Variants in GCH1 observed in about 807,000 individuals in gnomAD.
GCH1 encodes GTP cyclohydrolase I.
In GCH1, 5 loss-of-function variants were observed where a neutral mutation model predicts 25.9. That is an observed-to-expected ratio of 0.19 (90% confidence interval 0.10 to 0.41). GCH1 has a LOEUF of 0.41. GCH1 is among the 10% of genes least tolerant of loss of function. GCH1 has a pLI of 1.00. For missense variants in GCH1, 261 were observed against 336.5 expected (o/e 0.78, Z 1.75); for synonymous variants, 159 against 129.6 (o/e 1.23, Z -1.54).
intron 1 of GCH1, among the ~76,000 whole-genome samples, chr14:54,873,053 C>T (rs546702259): frequency 2.0e-5 from 3 of 151,972 alleles, no homozygotes; most frequent in African/African-American, 7.3e-5. Flanking sequence ...AATATACATT[C>T]TTCTCAGCAC....
At chr14:54,877,988 G>A (rs997566882) in intron 1 of GCH1, 6 of 152,436 alleles carry the variant, frequency 3.9e-5, no homozygotes, top group African/African-American at 1.4e-4. Flanking sequence ...GAGTGCCCCT[G>A]GTTTGAACTA....
At chr14:54,872,385 G>A (rs975395640) in intron 1 of GCH1, among the ~76,000 whole-genome samples, 28 of 152,100 alleles carry the variant, frequency 1.8e-4, no homozygotes, top group African/African-American at 6.8e-4. Flanking sequence ...ACCAGCCACT[G>A]AAAAAACATG....
chr14:54,855,714 T>C (rs1364866772), intron 3 of GCH1, among the ~76,000 whole-genome samples: 2 of 151,536 alleles, frequency 1.3e-5, no homozygotes. Context: ...CTGGGGAGGC[T>C]GAGGCAGGAG....
At chr14:54,891,763 C>G (rs748066573) in intron 1 of GCH1, among the ~76,000 whole-genome samples, 3 of 152,128 alleles carry the variant, frequency 2.0e-5, no homozygotes, top group African/African-American at 4.8e-5. Flanking sequence ...GATGAAATCT[C>G]CAGCCCTTCT....
At chr14:54,870,297 A>G (rs2040051241) in intron 1 of GCH1, among the ~76,000 whole-genome samples, 1 of 148,448 alleles carries the variant, frequency 6.7e-6, no homozygotes, top group Non-Finnish European at 1.5e-5. Flanking sequence ...CAAGAGTTCA[A>G]GACCAGACTG....
At chr14:54,849,405 A>G (rs1195756658) in intron 3 of GCH1, among the ~76,000 whole-genome samples, 2 of 152,152 alleles carry the variant, frequency 1.3e-5, no homozygotes, top group Non-Finnish European at 2.9e-5. Context: ...ATTTGCTGGG[A>G]ACCGAATTCT....
At chr14:54,883,406 G>A (rs1403792377) in intron 1 of GCH1, among the ~76,000 whole-genome samples, 1 of 143,740 alleles carries the variant, frequency 7.0e-6, no homozygotes, top group East Asian at 2.0e-4. Flanking sequence ...AAAGCCCGGT[G>A]CGGTGGCTCA....
At chr14:54,877,033 G>T (rs1009794870) in intron 1 of GCH1, among the ~76,000 whole-genome samples, 2 of 152,124 alleles carry the variant, frequency 1.3e-5, no homozygotes, top group Admixed American at 1.3e-4. Context: ...CTGATATGTT[G>T]CCTATGCCCC....
rs550704720 is a variant in GCH1 at position 54,897,018 on chromosome 14, T to G, written c.343+5303A>C. 1.2e-3 allele frequency among the ~76,000 whole-genome samples: 163 copies of G among 139,798 alleles called. 10 individuals carry two copies. Among genetic ancestry groups the G allele is most frequent in the African/African-American group, 4.0e-3 (146 of 36,180 alleles). 91.7% of individuals were successfully genotyped at this position (139,798 alleles called of 152,430 possible). ...ATTCTACTCCACTTTTTGTTTTTTTTTTTTTTTTTTGAGATGGAGTCTTGC... is the reference window on the plus strand; with the variant it reads ...ATTCTACTCCACTTTTTGTTTTTTTGTTTTTTTTTTGAGATGGAGTCTTGC... On this transcript the variant is annotated intron_variant, in intron 1 of 5. Coordinates refer to ENST00000491895, the MANE Select transcript of GCH1 (RefSeq NM_000161.3).
intron 1 of GCH1, among the ~76,000 whole-genome samples, chr14:54,898,228 AAAT>A (rs1213476379): frequency 6.6e-6 from 1 of 152,226 alleles, no homozygotes; most frequent in Non-Finnish European, 1.5e-5. Flanking sequence ...TTTAAAATAC[AAAT>A]AATAATAATT....
At position 54,845,814 on chromosome 14, in the gene GCH1, T is replaced by A. The variant is rs985876127; in HGVS notation, c.580A>T (p.Thr194Ser). 1 of 1,611,190 alleles carries A rather than the reference T, an allele frequency of 6.2e-7. No homozygotes were observed. The highest frequency in any genetic ancestry group is 8.5e-7 in the Non-Finnish European group (1 of 1,177,280). Residue 194 changes from threonine (T) to serine (S), a missense_variant, in exon 5 of 6, where the codon ACG becomes TCG. This residue lies in a region of GCH1 where 130 missense variants were observed against 184.1 expected (regional missense o/e 0.71). Transcript: ENST00000491895. ...RLTKQIAVAI[T>S]EALRPAGVGV... ...ACTCCAGCAGGCCGCAAGGCTTCCGTGATTGCTACAGCAATTTGTTTTGTA... is the reference window on the plus strand; with the variant it reads ...ACTCCAGCAGGCCGCAAGGCTTCCGAGATTGCTACAGCAATTTGTTTTGTA...
chr14:54,861,616 G>C (rs1422430056), intron 2 of GCH1, among the ~76,000 whole-genome samples: 1 of 151,740 alleles, frequency 6.6e-6, no homozygotes, highest in Non-Finnish European at 1.5e-5. Flanking sequence ...CCAGCTATTC[G>C]AGAGGCTGAA....
intron 3 of GCH1, among the ~76,000 whole-genome samples, chr14:54,848,323 G>A (rs2039675991): frequency 6.6e-6 from 1 of 152,048 alleles, no homozygotes; most frequent in Non-Finnish European, 1.5e-5. Flanking sequence ...TTTTAGTAGA[G>A]ACAGGGTTTC....
At chr14:54,880,891 C>G (rs1595008758) in intron 1 of GCH1, among the ~76,000 whole-genome samples, 1 of 146,614 alleles carries the variant, frequency 6.8e-6, no homozygotes, top group South Asian at 2.1e-4. Context: ...ATGCTGCAAT[C>G]TCGGCTTACC....
chr14:54,877,343 A>G (rs1159530043), intron 1 of GCH1, among the ~76,000 whole-genome samples: 2 of 152,238 alleles, frequency 1.3e-5, no homozygotes, highest in Admixed American at 6.5e-5. Context: ...ACAACACCAC[A>G]CAATGTCAGT....
intron 1 of GCH1, among the ~76,000 whole-genome samples, chr14:54,897,567 G>A (rs949654293): frequency 6.6e-6 from 1 of 152,040 alleles, no homozygotes; most frequent in Admixed American, 6.6e-5. Flanking sequence ...GGGATTACAG[G>A]CGTGAGCCAC....
At chr14:54,877,581 C>T (rs550906081) in intron 1 of GCH1, among the ~76,000 whole-genome samples, 2 of 152,252 alleles carry the variant, frequency 1.3e-5, no homozygotes, top group African/African-American at 4.8e-5. Context: ...GCAACCTCCA[C>T]CTCCTAGGCT....
chr14:54,866,786 T>C (rs2039994665), intron 1 of GCH1, among the ~76,000 whole-genome samples: 1 of 152,152 alleles, frequency 6.6e-6, no homozygotes, highest in Non-Finnish European at 1.5e-5. Flanking sequence ...TATTCAGAGA[T>C]ACATTTGACT....
chr14:54,887,549 G>A (rs2040369299), intron 1 of GCH1, among the ~76,000 whole-genome samples: 1 of 152,172 alleles, frequency 6.6e-6, no homozygotes, highest in Non-Finnish European at 1.5e-5. Flanking sequence ...ATAATCAAAT[G>A]CAAATGTATG....
Sources: allele counts gnomAD v4.1 joint callset (sites outside exome capture counted in the v4.1 genomes callset), GRCh38; gene constraint gnomAD v4.1.1; regional missense constraint gnomAD v4.1.1; transcripts MANE v1.5; gene names NCBI Gene and HGNC (gene_info 2026-07-23, HGNC 2026-07-21).